Variants in SEMA5B observed in about 807,000 individuals in gnomAD.
The protein encoded by SEMA5B is semaphorin 5B.
Under a neutral mutation model 135.0 loss-of-function variants are expected in SEMA5B, and 66 were observed. The observed-to-expected ratio is 0.49, with a 90% CI of 0.40 to 0.60. The LOEUF (loss-of-function observed/expected upper bound fraction) is 0.60, where lower values mean the gene tolerates loss of function less well. Among genes scored for constraint, SEMA5B ranks in the 20% least tolerant of loss-of-function variants. The pLI is 0.00. For synonymous variants in SEMA5B, 690 were observed against 639.5 expected, an observed-to-expected ratio of 1.08 and a Z score of -1.19; for missense variants, 1,501 against 1,566.3, an observed-to-expected ratio of 0.96 and a Z score of 0.70.
intron 3 of SEMA5B, 27 bp downstream of exon 3, chr3:122,948,479 C>T: frequency 6.3e-7 from 1 of 1,575,290 alleles, no homozygotes; most frequent in Non-Finnish European, 8.7e-7. Context: ...CATTGCAAGA[C>T]AGGGCCAAGT....
chr3:122,978,212 A>G (rs993544331), intron 1 of SEMA5B, among the ~76,000 whole-genome samples: 1 of 152,250 alleles, frequency 6.6e-6, no homozygotes, highest in African/African-American at 2.4e-5. Context: ...CCTGGGCCCC[A>G]GGGTGCCCTT....
At chr3:123,008,759 G>T (rs367752049) in intron 1 of SEMA5B, among the ~76,000 whole-genome samples, 5 of 152,144 alleles carry the variant, frequency 3.3e-5, no homozygotes, top group Non-Finnish European at 1.5e-5. Flanking sequence ...ACCAAATTGG[G>T]CCCATTTGAA....
At chr3:123,002,318 T>C (rs192559202) in intron 1 of SEMA5B, among the ~76,000 whole-genome samples, 5 of 152,346 alleles carry the variant, frequency 3.3e-5, no homozygotes, top group Non-Finnish European at 5.9e-5. Context: ...CCAGTCTTAA[T>C]AGACACAGGA....
intron 1 of SEMA5B, among the ~76,000 whole-genome samples, chr3:122,986,714 CAT>C (rs948305620): frequency 1.2e-4 from 18 of 152,080 alleles, no homozygotes; most frequent in African/African-American, 4.1e-4. Flanking sequence ...CACACACACA[CAT>C]ACAAACATGC....
At chr3:122,984,692 A>G (rs1941641242) in intron 1 of SEMA5B, among the ~76,000 whole-genome samples, 1 of 152,222 alleles carries the variant, frequency 6.6e-6, no homozygotes, top group South Asian at 2.1e-4. Context: ...ATACCCATGT[A>G]ACAAGCATGC....
In SEMA5B at chr3:123,001,111, T is replaced by G. The variant is rs574120628; in HGVS notation, c.-39+26353A>C. Among the ~76,000 whole-genome samples the G allele has an allele frequency of 1.1e-4, 17 of 152,076 alleles. No homozygotes were observed. The South Asian group carries it at 2.5e-3, about 22-fold the overall frequency. ...GGCCCCAGCAAGATGTGGCAAGGGA[T>G]AGGGGGTGATGCTGGAGAAGATGGA... On this transcript the variant is annotated intron_variant, in intron 1 of 22. Coordinates refer to ENST00000357599, the MANE Select transcript of SEMA5B (RefSeq NM_001031702.4).
At chr3:122,932,664 T>G (rs59293996) in intron 5 of SEMA5B, among the ~76,000 whole-genome samples, 1 of 151,896 alleles carries the variant, frequency 6.6e-6, no homozygotes, top group Admixed American at 6.5e-5. Context: ...ACCCCTAGCC[T>G]GTAAGCAGTG....
At position 122,927,894 on chromosome 3, in the gene SEMA5B, G is replaced by A; in HGVS notation, c.746C>T (p.Ala249Val). Residue 249 changes from alanine to valine, a missense_variant, in exon 8 of 23, where the codon GCA (alanine) becomes GTA (valine). Transcript: ENST00000357599. ...ACCTGAGAAGTCGATGACCGTGGCT[G>A]CATAGAGCTCCCCCTGGGAGGAGAT... ...AVISSQGELY[A>V]ATVIDFSGRD... is the part of the protein sequence containing the mutation. The A allele has an allele frequency of 6.3e-7, 1 of 1,596,242 alleles. No individual in the cohort carries two copies. Among genetic ancestry groups the A allele is most frequent in the Non-Finnish European group, 8.5e-7 (1 of 1,170,676 alleles).
intron 7 of SEMA5B, 60 bp from the exon 8 acceptor site, chr3:122,928,063 T>C: frequency 7.8e-7 from 1 of 1,281,710 alleles, no homozygotes; most frequent in Non-Finnish European, 1.0e-6. Flanking sequence ...GCCTGTTCTT[T>C]CCATCTGAGT....
chr3:122,991,925 T>C (rs1468420251), intron 1 of SEMA5B, among the ~76,000 whole-genome samples: 1 of 152,146 alleles, frequency 6.6e-6, no homozygotes, highest in East Asian at 1.9e-4. Flanking sequence ...TCTAGGAAGA[T>C]GGGCATCCCT....
intron 1 of SEMA5B, among the ~76,000 whole-genome samples, chr3:123,011,321 A>T (rs1942433868): frequency 1.3e-5 from 2 of 152,240 alleles, no homozygotes; most frequent in Admixed American, 1.3e-4. Context: ...TGCCTGTCAC[A>T]TCGATCATCC....
intron 1 of SEMA5B, among the ~76,000 whole-genome samples, chr3:122,962,969 C>T (rs1940650984): frequency 6.6e-6 from 1 of 152,216 alleles, no homozygotes; most frequent in Non-Finnish European, 1.5e-5. Flanking sequence ...CCCAAGGGCA[C>T]TCTGACCCCA....
At chr3:122,943,266 GA>G (rs1405432350) in intron 4 of SEMA5B, among the ~76,000 whole-genome samples, 169 bp downstream of exon 4, 2 of 152,080 alleles carry the variant, frequency 1.3e-5, no homozygotes, top group Non-Finnish European at 2.9e-5. Flanking sequence ...CCACCCAGCC[GA>G]AACACGCTTC....
At chr3:122,923,816 C>G in intron 9 of SEMA5B, 64 bp from the exon 10 acceptor site, 2 of 1,585,780 alleles carry the variant, frequency 1.3e-6, no homozygotes, top group Non-Finnish European at 1.7e-6. Context: ...CCTCATAAAC[C>G]CCACAGCCAG....
intron 12 of SEMA5B, among the ~76,000 whole-genome samples, chr3:122,917,245 C>G (rs1173735630): frequency 6.6e-6 from 1 of 152,174 alleles, no homozygotes; most frequent in Non-Finnish European, 1.5e-5. Context: ...GGAGAGAGCA[C>G]TAAGCATGGG....
chr3:122,978,879 G>A (rs1256899271), intron 1 of SEMA5B, among the ~76,000 whole-genome samples: 1 of 152,176 alleles, frequency 6.6e-6, no homozygotes, highest in Non-Finnish European at 1.5e-5. Context: ...ACCACATCCT[G>A]CAGCTCTGGG....
intron 18 of SEMA5B, 118 bp from the exon 19 acceptor site, chr3:122,912,460 C>T (rs994937911): frequency 6.4e-6 from 6 of 930,466 alleles, no homozygotes; most frequent in African/African-American, 5.0e-5. Flanking sequence ...AACATCCACC[C>T]GATCCACCCG....
chr3:122,937,461 C>T (rs1444014117), intron 5 of SEMA5B, among the ~76,000 whole-genome samples: 1 of 152,230 alleles, frequency 6.6e-6, no homozygotes, highest in Non-Finnish European at 1.5e-5. Flanking sequence ...AGATGGTACA[C>T]ACCAGAGTGG....
chr3:122,939,799 G>A (rs773421289), intron 4 of SEMA5B, among the ~76,000 whole-genome samples: 1 of 152,186 alleles, frequency 6.6e-6, no homozygotes, highest in East Asian at 1.9e-4. Context: ...AGCTAGCCCT[G>A]GGAGGAACCC....
Sources: allele counts gnomAD v4.1 joint callset (sites outside exome capture counted in the v4.1 genomes callset), GRCh38; gene constraint gnomAD v4.1.1; transcripts MANE v1.5; gene names NCBI Gene and HGNC (gene_info 2026-07-23, HGNC 2026-07-21).